Variants in MYBPC2 observed in about 807,000 individuals in gnomAD.
MYBPC2 encodes myosin-binding protein C, fast-type.
A neutral mutation model predicts 137.0 loss-of-function variants in MYBPC2; 122 were observed. That is an observed-to-expected ratio of 0.89 (90% CI 0.77 to 1.03). The LOEUF is 1.03. MYBPC2 is among the 50% of genes least tolerant of loss of function. MYBPC2 has a pLI of 0.00. For synonymous variants in MYBPC2, 626 were observed against 612.3 expected (o/e 1.02, Z -0.33); for missense variants, 1,500 against 1,534.4 (o/e 0.98, Z 0.37).
chr19:50,436,411 AG>A (rs1441401861), intron 4 of MYBPC2, among the ~76,000 whole-genome samples: 1 of 152,188 alleles, frequency 6.6e-6, no homozygotes, highest in East Asian at 1.9e-4. Flanking sequence ...TGAGGGGGCC[AG>A]GGACCTGGGC....
intron 23 of MYBPC2, 121 bp from the exon 24 acceptor site, chr19:50,459,919 A>G (rs1177635648): frequency 7.1e-7 from 1 of 1,406,214 alleles, no homozygotes; most frequent in Admixed American, 2.0e-5. Flanking sequence ...CATAGGCAGG[A>G]ATGGGAATGG....
intron 16 of MYBPC2, among the ~76,000 whole-genome samples, chr19:50,452,241 G>T (rs2039865466): frequency 1.3e-5 from 2 of 152,108 alleles, no homozygotes; most frequent in South Asian, 2.1e-4. Context: ...ACCAGTTTAG[G>T]CTTCCAGCCA....
rs768279495 is a variant in MYBPC2 at position 50,454,096 on chromosome 19, A to G, written c.1826A>G (p.Gln609Arg). The change falls in exon 17 of 28, where the codon CAG becomes CGG. Residue 609 changes from glutamine to arginine, a missense_variant. By Grantham distance (43) the Gln-to-Arg change is conservative. Transcript: ENST00000357701. ...AGCAGCTTTGTGATTGAGAGTGCGC[A>G]GCGGGAAGACGAGGGCCGCTACACC... ...DCSSFVIESA[Q>R]REDEGRYTIK... is the part of the protein sequence containing the mutation. 58 of 1,612,430 alleles carry G rather than the reference A, an allele frequency of 3.6e-5. No individual in the cohort carries two copies. Among genetic ancestry groups the G allele is most frequent in the Non-Finnish European group, 4.8e-5 (57 of 1,179,280 alleles).
chr19:50,434,697 C>T (rs761586112), intron 1 of MYBPC2, among the ~76,000 whole-genome samples: 102 of 152,308 alleles, frequency 6.7e-4, no homozygotes, highest in African/African-American at 1.1e-3. Context: ...ATGTCTGGTC[C>T]GCTGGCATCA....
intron 20 of MYBPC2, among the ~76,000 whole-genome samples, chr19:50,456,559 T>G (rs1349635558): frequency 6.6e-6 from 1 of 151,930 alleles, no homozygotes; most frequent in Non-Finnish European, 1.5e-5. Context: ...GCCTCCCAAG[T>G]AGCTGGGACT....
chr19:50,444,879 CAAAAAA>C (rs34557075), intron 11 of MYBPC2, among the ~76,000 whole-genome samples: 1 of 67,274 alleles, frequency 1.5e-5, no homozygotes. Context: ...GACTCCGTCT[CAAAAAA>C]AAAAAAAAAA....
At chr19:50,458,495 C>T (rs2039934628) in intron 20 of MYBPC2, 92 bp from the exon 21 acceptor site, 2 of 1,476,714 alleles carry the variant, frequency 1.4e-6, no homozygotes, top group Non-Finnish European at 1.8e-6. Context: ...AGTGCTCACT[C>T]GCTCGCTGCG....
In MYBPC2 at chr19:50,448,207, C is replaced by G. The variant is rs1331933083; in HGVS notation, c.1307-18C>G. 1 of 1,609,270 alleles carries G rather than the reference C, an allele frequency of 6.2e-7. No homozygotes were observed. Among genetic ancestry groups the G allele is most frequent in the African/African-American group, 1.3e-5 (1 of 74,844 alleles). ...GACTAGAGTAGTGACGGCTCCTTGT[C>G]TTTCTCTCCCTGACCAGAGAAACAG... On this transcript the variant is annotated intron_variant, in intron 12 of 27. Transcript: ENST00000357701.
chr19:50,434,434 G>C (rs962703967), intron 1 of MYBPC2, among the ~76,000 whole-genome samples: 1 of 152,218 alleles, frequency 6.6e-6, no homozygotes, highest in Non-Finnish European at 1.5e-5. Flanking sequence ...TGGGTATAAA[G>C]ATTAGTGGTT....
At position 50,436,666 on chromosome 19, in the gene MYBPC2, G is replaced by A. The variant is rs1052807483; in HGVS notation, c.395G>A (p.Gly132Glu). 2.5e-6 allele frequency: 4 copies of A among 1,613,834 alleles called. No homozygotes were observed. The African/African-American group carries it at 4.0e-5, about 16-fold the overall frequency. The change falls in exon 5 of 28, where the codon GGG (glycine) becomes GAG (glutamate). Residue 132 changes from glycine (G) to glutamate (E), a missense_variant. By Grantham distance (98) the Gly-to-Glu change is moderately conservative (BLOSUM62 -2). Transcript: ENST00000357701. ...GGGAAGGTGGTACTGGGGGACCGTGGGTATTACCGCCTCGAGGTCAAAGCC... is the reference window on the plus strand; with the variant it reads ...GGGAAGGTGGTACTGGGGGACCGTGAGTATTACCGCCTCGAGGTCAAAGCC... ...HIGKVVLGDR[G>E]YYRLEVKAKD...
chr19:50,452,464 C>CTGTGTGTG (rs796993049), intron 16 of MYBPC2, among the ~76,000 whole-genome samples: 8 of 138,602 alleles, frequency 5.8e-5, no homozygotes, highest in East Asian at 2.1e-4. Context: ...ATCTATGTAT[C>CTGTGTGTG]TGTGTATGTA....
chr19:50,439,532 T>G (rs1306873158), intron 7 of MYBPC2, among the ~76,000 whole-genome samples: 1 of 149,100 alleles, frequency 6.7e-6, no homozygotes, highest in Non-Finnish European at 1.5e-5. Flanking sequence ...GTCTACTAGG[T>G]CCTGGGCTGA....
chr19:50,442,383 CT>C, intron 9 of MYBPC2, 70 bp downstream of exon 9: 1 of 1,556,310 alleles, frequency 6.4e-7, no homozygotes. Flanking sequence ...GAGACAAGGC[CT>C]ATCACTCTTA....
At chr19:50,442,542 C>T (rs1319015630) in intron 9 of MYBPC2, among the ~76,000 whole-genome samples, 1 of 151,966 alleles carries the variant, frequency 6.6e-6, no homozygotes, top group East Asian at 2.0e-4. Flanking sequence ...TGGTGAAACC[C>T]CATTTCTACT....
chr19:50,461,758 C>A, intron 25 of MYBPC2, 57 bp downstream of exon 25: 2 of 1,603,388 alleles, frequency 1.2e-6, no homozygotes, highest in Non-Finnish European at 1.7e-6. Flanking sequence ...TCGCCCAGGT[C>A]CCACCTGGAC....
At chr19:50,444,483 C>T (rs1005513266) in intron 11 of MYBPC2, among the ~76,000 whole-genome samples, 6 of 152,218 alleles carry the variant, frequency 3.9e-5, no homozygotes, top group African/African-American at 1.4e-4. Flanking sequence ...TCTACCTATC[C>T]ATTCATCCAT....
chr19:50,462,466 G>C (rs2039980747), intron 26 of MYBPC2, among the ~76,000 whole-genome samples: 1 of 152,068 alleles, frequency 6.6e-6, no homozygotes, highest in South Asian at 2.1e-4. Context: ...TTACAGGTGT[G>C]AGCCACCACG....
Position 50,447,558 on chromosome 19 carries a change from G to A in MYBPC2, c.1307-667G>A, listed in dbSNP as rs114701467. Among the ~76,000 whole-genome samples the A allele has an allele frequency of 3.7e-3, 556 of 152,140 alleles. 1 individual carries two copies. The highest frequency in any genetic ancestry group is 0.012 in the African/African-American group (510 of 41,508). ...GGCCTAGGCAACATGGCAAGACCCC[G>A]TCTGTATAAAAACATCAGGCCGGGC... is the stretch of plus-strand genomic sequence containing the variant. On this transcript the variant is annotated intron_variant, in intron 12 of 27. Transcript: ENST00000357701.
chr19:50,432,902 G>A lies in MYBPC2; in HGVS notation c.-52G>A. On this transcript the variant is annotated 5_prime_UTR_variant, in exon 1 of 28. Coordinates refer to ENST00000357701, the MANE Select transcript of MYBPC2 (RefSeq NM_004533.4). The surrounding 1 kb of genome is among the most constrained non-coding windows in gnomAD (Gnocchi z 5.5). ...CTTAGGGGCCCACCTGTCCTCCCTA[G>A]GGCCTAGCGGGACGCGGCTGCGGTC... The A allele has an allele frequency of 1.3e-6, 2 of 1,594,460 alleles. No homozygotes were observed. The highest frequency in any genetic ancestry group is 1.1e-5 in the South Asian group (1 of 88,126).
Sources: gnomAD v4.1 joint callset for allele counts (sites outside exome capture counted in the v4.1 genomes callset) on GRCh38, gnomAD v4.1.1 for gene constraint, Gnocchi (gnomAD v3.1) non-coding constraint, MANE v1.5 for transcripts, NCBI Gene and HGNC (gene_info 2026-07-23, HGNC 2026-07-21) for gene names.